MKKS: variants seen among roughly 807,000 people sequenced by gnomAD.
The protein encoded by MKKS is MKKS centrosomal shuttling protein.
MKKS carries 29 observed loss-of-function variants against 33.2 expected under a neutral mutation model. The ratio of observed to expected loss-of-function variants is 0.87; its 90% confidence interval spans 0.65 to 1.19. MKKS has a LOEUF of 1.19. Ranked by LOEUF, MKKS falls within the 50% of genes most tolerant of loss-of-function variation. The pLI is 0.00. For missense variants in MKKS, 661 were observed against 662.3 expected (o/e 1.00, Z 0.02); for synonymous variants, 260 against 244.0 (o/e 1.07, Z -0.61).
chr20:10,410,382 G>A (rs916330005), intron 3 of MKKS, among the ~76,000 whole-genome samples: 1 of 152,194 alleles, frequency 6.6e-6, no homozygotes, highest in Non-Finnish European at 1.5e-5. Context: ...TGTAATCCCA[G>A]TACTTTGGGA....
rs767432410 is a variant in MKKS, at chr20:10,405,361, T to A, written c.1599A>T (p.Ser533=). The A allele has an allele frequency of 7.4e-6, 12 of 1,614,122 alleles. No homozygotes were observed. The highest frequency in any genetic ancestry group is 1.3e-5 in the African/African-American group (1 of 74,956). ...QSCLPHEAVG[S]ASNLTLDCLT... is the part of the protein sequence containing the mutation. Reference sequence around the variant, plus strand: ...AACAGTCCAAGGTCAGGTTGCTGGCTGAGCCCACAGCTTCATGTGGAAGGC... The same window carrying A: ...AACAGTCCAAGGTCAGGTTGCTGGCAGAGCCCACAGCTTCATGTGGAAGGC... Residue 533 remains serine (S), a synonymous_variant, in exon 6 of 6, where the codon TCA becomes TCT. Transcript: ENST00000347364.
Position 10,407,710 on chromosome 20 carries a change from G to A in MKKS, c.1178C>T (p.Ala393Val). ...GAGTGTTAACTGCAGGACATGCAGT[G>A]CCGTCTGACACGTGAGCTAAGAAAA... The part of the protein sequence containing the change: ...WDELKLTCQT[A>V]LHVLQLTLKE... The change falls in exon 5 of 6, where the codon GCA becomes GTA. Residue 393 changes from alanine to valine, a missense_variant. Coordinates refer to ENST00000347364, the MANE Select transcript of MKKS (RefSeq NM_170784.3). 6.2e-7 allele frequency: 1 copy of A among 1,613,502 alleles called. No individual in the cohort carries two copies. The highest frequency in any genetic ancestry group is 1.1e-5 in the South Asian group (1 of 91,054).
intron 2 of MKKS, among the ~76,000 whole-genome samples, chr20:10,419,770 T>C (rs903132943): frequency 6.6e-6 from 1 of 152,224 alleles, no homozygotes; most frequent in African/African-American, 2.4e-5. Context: ...ACTCACATCC[T>C]GCGTGGATGA....
At chr20:10,419,795 G>A (rs2064967013) in intron 2 of MKKS, among the ~76,000 whole-genome samples, 2 of 152,082 alleles carry the variant, frequency 1.3e-5, no homozygotes, top group African/African-American at 4.8e-5. Flanking sequence ...GAATATCCCA[G>A]GATTTCATCA....
chr20:10,431,386 T>C (rs1459258476), intron 1 of MKKS, among the ~76,000 whole-genome samples: 1 of 152,144 alleles, frequency 6.6e-6, no homozygotes, highest in Non-Finnish European at 1.5e-5. Flanking sequence ...TAGTGTCTAT[T>C]AGGTGCTAGC....
Position 10,405,332 on chromosome 20 carries a change from G to A in MKKS, c.1628C>T (p.Thr543Ile), listed in dbSNP as rs757425910. 9 of 1,614,140 alleles carry A rather than the reference G, an allele frequency of 5.6e-6. No homozygotes were observed. Among genetic ancestry groups the A allele is most frequent in the Non-Finnish European group, 7.6e-6 (9 of 1,179,992 alleles). ...SASNLTLDCL[T>I]AKLSGLQVAV... Reference sequence around the variant, plus strand: ...CACCTGTAGGCCACTAAGCTTTGCAGTCAAACAGTCCAAGGTCAGGTTGCT... The same window carrying A: ...CACCTGTAGGCCACTAAGCTTTGCAATCAAACAGTCCAAGGTCAGGTTGCT... Residue 543 changes from threonine (T) to isoleucine (I), a missense_variant, in exon 6 of 6, where the codon ACT (threonine) becomes ATT (isoleucine). Transcript: ENST00000347364.
In MKKS at chr20:10,403,077, A is replaced by G. The variant is rs997040399; in HGVS notation, c.*2170T>C. The G allele has an allele frequency of 2.6e-5, 4 of 152,098 alleles. No individual in the cohort carries two copies. The highest frequency in any genetic ancestry group is 2.6e-4 in the Admixed American group (4 of 15,262). 9.4% of individuals were successfully genotyped at this position (152,098 alleles called of 1,614,324 possible). On this transcript the variant is annotated 3_prime_UTR_variant, in exon 6 of 6. Coordinates refer to ENST00000347364, the MANE Select transcript of MKKS (RefSeq NM_170784.3). ...TCCACTGGGGAGAACCTGCTTCCAAATTCACTCTTGTGGTTATTGGTACGA... is the reference window on the plus strand; with the variant it reads ...TCCACTGGGGAGAACCTGCTTCCAAGTTCACTCTTGTGGTTATTGGTACGA...
At position 10,413,212 on chromosome 20, in the gene MKKS, G is replaced by T. The variant is rs1308654063; in HGVS notation, c.303C>A (p.Asn101Lys). ...CTAATCTCTGAACATTTTCAATCAG[G>T]TTGCAGCAAAGAATAGCTGTGAATA... ...CGLFTAILCCNLIENVQRLGL... is the reference protein window; with the variant it reads ...CGLFTAILCCKLIENVQRLGL... Residue 101 changes from asparagine to lysine, a missense_variant, in exon 3 of 6, where the codon AAC becomes AAA. Transcript: ENST00000347364. 4 of 1,614,054 alleles carry T rather than the reference G, an allele frequency of 2.5e-6. No homozygotes were observed. In the Admixed American group the frequency reaches 5.0e-5, roughly 20 times the overall value.
In MKKS at chr20:10,413,646, C is replaced by A; in HGVS notation, c.-132G>T. On this transcript the variant is annotated 5_prime_UTR_variant, in exon 3 of 6. Coordinates refer to ENST00000347364, the MANE Select transcript of MKKS (RefSeq NM_170784.3). ...AAAGTATGAATATGCAGCATTGTGG[C>A]TATAAAATCAAAAAGTTCAATGTTT... 9.8e-7 allele frequency: 1 copy of A among 1,015,494 alleles called. No homozygotes were observed. The highest frequency in any genetic ancestry group is 2.2e-5 in the Admixed American group (1 of 45,784). 62.9% of individuals were successfully genotyped at this position (1,015,494 alleles called of 1,614,324 possible).
In MKKS at chr20:10,416,751, A is replaced by G. The variant is rs1281559726; in HGVS notation, c.-417-2820T>C. Among the ~76,000 whole-genome samples, 4 of 152,240 alleles carry G rather than the reference A, an allele frequency of 2.6e-5. No individual in the cohort carries two copies. The East Asian group carries it at 7.7e-4, about 29-fold the overall frequency. Reference sequence around the variant, plus strand: ...TGAGCAGCATCATTTGGCAACCCCTAATGAAATAGTGCATTAGACCCATAT... The same window carrying G: ...TGAGCAGCATCATTTGGCAACCCCTGATGAAATAGTGCATTAGACCCATAT... On this transcript the variant is annotated intron_variant, in intron 2 of 5. Transcript: ENST00000347364.
intron 2 of MKKS, among the ~76,000 whole-genome samples, chr20:10,419,265 G>A (rs1459059557): frequency 1.3e-5 from 2 of 151,936 alleles, no homozygotes; most frequent in Non-Finnish European, 2.9e-5. Context: ...CAATTACAGG[G>A]TCACAGTTCT....
intron 5 of MKKS, 86 bp downstream of exon 5, chr20:10,407,530 A>G: frequency 9.1e-7 from 1 of 1,104,186 alleles, no homozygotes; most frequent in Non-Finnish European, 1.4e-6. Context: ...CAAAAAGACT[A>G]TAGGATATTA....
intron 2 of MKKS, among the ~76,000 whole-genome samples, chr20:10,418,606 G>T (rs2064957653): frequency 6.6e-6 from 1 of 152,000 alleles, no homozygotes; most frequent in Non-Finnish European, 1.5e-5. Context: ...TGCTGCACTG[G>T]CATCTAAAAT....
intron 1 of MKKS, among the ~76,000 whole-genome samples, chr20:10,423,356 A>T: frequency 6.6e-6 from 1 of 152,128 alleles, no homozygotes; most frequent in Non-Finnish European, 1.5e-5. Context: ...TGGGAGGCTG[A>T]GGCTGCGGTG....
intron 2 of MKKS, among the ~76,000 whole-genome samples, chr20:10,419,897 G>T (rs1230583170): frequency 6.6e-6 from 1 of 152,180 alleles, no homozygotes; most frequent in Non-Finnish European, 1.5e-5. Flanking sequence ...TTGACTGCAG[G>T]TAACTGAAAC....
intron 3 of MKKS, among the ~76,000 whole-genome samples, chr20:10,411,925 A>C (rs2064890942): frequency 6.6e-6 from 1 of 152,212 alleles, no homozygotes; most frequent in Non-Finnish European, 1.5e-5. Flanking sequence ...TATATTACCA[A>C]ATATATTTCG....
In MKKS at chr20:10,413,621, A is replaced by C; in HGVS notation, c.-107T>G. 1 of 1,300,120 alleles carries C rather than the reference A, an allele frequency of 7.7e-7. No individual in the cohort carries two copies. Among genetic ancestry groups the C allele is most frequent in the East Asian group, 2.3e-5 (1 of 42,924 alleles). 80.5% of individuals were successfully genotyped at this position (1,300,120 alleles called of 1,614,324 possible). A position where few individuals can be genotyped will look rare whatever the true frequency, so the allele number is the denominator to read the frequency against. ...CATTAAAAATTATTCTTTAGGAATT[A>C]AAGTATGAATATGCAGCATTGTGGC... On this transcript the variant is annotated 5_prime_UTR_variant, in exon 3 of 6. It introduces an in-frame stop codon into an upstream open reading frame of the 5' UTR. Transcript: ENST00000347364.
chr20:10,418,464 T>C (rs1350327037), intron 2 of MKKS, among the ~76,000 whole-genome samples: 1 of 152,222 alleles, frequency 6.6e-6, no homozygotes, highest in Non-Finnish European at 1.5e-5. Context: ...TCTTTTGATG[T>C]ACTTCAACTA....
chr20:10,426,458 C>A (rs1157199746), intron 1 of MKKS, among the ~76,000 whole-genome samples: 3 of 152,156 alleles, frequency 2.0e-5, no homozygotes, highest in Non-Finnish European at 4.4e-5. Flanking sequence ...CAAGGGGGAG[C>A]GTAGTGGTGT....
Sources: allele counts gnomAD v4.1 joint callset (sites outside exome capture counted in the v4.1 genomes callset), GRCh38; gene constraint gnomAD v4.1.1; transcripts MANE v1.5; gene names NCBI Gene and HGNC (gene_info 2026-07-23, HGNC 2026-07-21).